DLGAP4: variants seen among roughly 807,000 people sequenced by gnomAD.
DLGAP4 encodes DLG associated protein 4.
A neutral mutation model predicts 86.9 loss-of-function variants in DLGAP4; 18 were observed. The ratio of observed to expected loss-of-function variants is 0.21; its 90% CI spans 0.14 to 0.31. DLGAP4 has a LOEUF of 0.31. Among genes scored for constraint, DLGAP4 ranks in the 10% least tolerant of loss-of-function variants. DLGAP4 has a pLI of 1.00. For missense variants in DLGAP4, 1,085 were observed against 1,362.6 expected, an observed-to-expected ratio of 0.80 and a Z score of 3.21; for synonymous variants, 548 against 574.3, an observed-to-expected ratio of 0.95 and a Z score of 0.65.
At chr20:36,391,590 G>A (rs2031785378) in intron 2 of DLGAP4, among the ~76,000 whole-genome samples, 1 of 152,166 alleles carries the variant, frequency 6.6e-6, no homozygotes. Flanking sequence ...TGGCTGGGTG[G>A]AAGAAGCTGG....
intron 1 of DLGAP4, among the ~76,000 whole-genome samples, chr20:36,359,104 T>G (rs1332304442): frequency 1.3e-5 from 2 of 151,944 alleles, no homozygotes; most frequent in East Asian, 3.9e-4. Context: ...TAAAAATCAG[T>G]TTTGTATTTT....
chr20:36,344,388 TA>T (rs1253193573), intron 1 of DLGAP4, among the ~76,000 whole-genome samples: 1 of 152,114 alleles, frequency 6.6e-6, no homozygotes, highest in African/African-American at 2.4e-5. Flanking sequence ...CCCGAAATAA[TA>T]ACAAGTCCAC....
intron 7 of DLGAP4, among the ~76,000 whole-genome samples, chr20:36,467,179 A>G (rs1393047965): frequency 6.6e-6 from 1 of 152,178 alleles, no homozygotes. Context: ...TGACAAGAAG[A>G]CAAGCCTACA....
intron 7 of DLGAP4, among the ~76,000 whole-genome samples, chr20:36,494,798 A>T (rs2035809575): frequency 6.6e-6 from 1 of 151,910 alleles, no homozygotes; most frequent in East Asian, 1.9e-4. Context: ...AGCAACTACT[A>T]ATCTGTTCTC....
At chr20:36,356,435 C>T (rs1250333132) in intron 1 of DLGAP4, among the ~76,000 whole-genome samples, 2 of 152,156 alleles carry the variant, frequency 1.3e-5, no homozygotes, top group African/African-American at 4.8e-5. Flanking sequence ...CCTCAGCCTC[C>T]CGAGTCACTG....
intron 7 of DLGAP4, among the ~76,000 whole-genome samples, chr20:36,468,863 T>C (rs2034533078): frequency 6.6e-6 from 1 of 152,212 alleles, no homozygotes; most frequent in Non-Finnish European, 1.5e-5. Flanking sequence ...CCCTTTCCAT[T>C]GTAGTAATTC....
rs2037733994 is a variant in DLGAP4 at position 36,526,016 on chromosome 20, G to A, written c.2760+10G>A. ...CCCCGAGAAGAGGAAGGTGAGCATGGAGCAGTGCGGAGGGGAAGTCCAGGG... is the reference window on the plus strand; with the variant it reads ...CCCCGAGAAGAGGAAGGTGAGCATGAAGCAGTGCGGAGGGGAAGTCCAGGG... On this transcript the variant is annotated intron_variant, in intron 12 of 12. Coordinates refer to ENST00000339266, the MANE Select transcript of DLGAP4 (RefSeq NM_001365621.2). 1.9e-6 allele frequency: 3 copies of A among 1,613,872 alleles called. No homozygotes were observed. The highest frequency in any genetic ancestry group is 2.5e-6 in the Non-Finnish European group (3 of 1,180,020).
intron 7 of DLGAP4, among the ~76,000 whole-genome samples, chr20:36,479,994 C>T (rs892545407): frequency 1.3e-5 from 2 of 152,138 alleles, no homozygotes; most frequent in East Asian, 1.9e-4. Context: ...GACAGTTCCT[C>T]ACCTGCCAAG....
chr20:36,356,675 T>TA (rs781791220), intron 1 of DLGAP4, among the ~76,000 whole-genome samples: 7,233 of 128,724 alleles, frequency 0.056, 548 homozygotes, highest in African/African-American at 0.19. Context: ...CCTGTTTTTG[T>TA]AAAAAAAAAA....
intron 1 of DLGAP4, among the ~76,000 whole-genome samples, chr20:36,363,904 A>C (rs2030601795): frequency 6.6e-6 from 1 of 152,170 alleles, no homozygotes; most frequent in Non-Finnish European, 1.5e-5. Flanking sequence ...TCACATCAGC[A>C]TGAGCAGTGG....
chr20:36,387,267 A>G (rs1388117410), intron 2 of DLGAP4, among the ~76,000 whole-genome samples: 1 of 152,224 alleles, frequency 6.6e-6, no homozygotes, highest in Non-Finnish European at 1.5e-5. Flanking sequence ...CTATTAGAGA[A>G]GCTGAGTGTC....
At chr20:36,376,397 G>A (rs551271351) in intron 2 of DLGAP4, among the ~76,000 whole-genome samples, 1 of 152,254 alleles carries the variant, frequency 6.6e-6, no homozygotes, top group East Asian at 1.9e-4. Flanking sequence ...CTTGAACCTG[G>A]GAGGTGGAGG....
At chr20:36,506,749 AC>A (rs2036395928) in intron 10 of DLGAP4, among the ~76,000 whole-genome samples, 1 of 152,186 alleles carries the variant, frequency 6.6e-6, no homozygotes, top group Non-Finnish European at 1.5e-5. Context: ...TATAACCATC[AC>A]CACCGTCCAT....
intron 3 of DLGAP4, among the ~76,000 whole-genome samples, chr20:36,435,120 C>T (rs2033236587): frequency 6.6e-6 from 1 of 151,826 alleles, no homozygotes; most frequent in Non-Finnish European, 1.5e-5. Context: ...GGTGTGTGTC[C>T]TTGGTGAGGT....
At chr20:36,373,023 A>T (rs1019705111) in intron 2 of DLGAP4, among the ~76,000 whole-genome samples, 1 of 152,170 alleles carries the variant, frequency 6.6e-6, no homozygotes. Flanking sequence ...TGAAAAATAT[A>T]TATAAACATA....
rs1458842912 is a variant in DLGAP4, at chr20:36,527,224, T to A, written c.*193T>A. The A allele has an allele frequency of 1.4e-5, 7 of 487,188 alleles. No individual in the cohort carries two copies. The highest frequency in any genetic ancestry group is 1.2e-4 in the African/African-American group (6 of 50,924). The allele number at this position is 487,188 out of a possible 1,614,324, so 30.2% of individuals were successfully genotyped here. The stretch of plus-strand genomic sequence containing the variant: ...CTCCCAGCTTTAGGTTATGAAGATT[T>A]TACTCACAAAAAAAATCAACAAAAA... On this transcript the variant is annotated 3_prime_UTR_variant, in exon 13 of 13. Coordinates refer to ENST00000339266, the MANE Select transcript of DLGAP4 (RefSeq NM_001365621.2).
intron 1 of DLGAP4, among the ~76,000 whole-genome samples, chr20:36,316,080 A>G (rs1210515437): frequency 6.6e-6 from 1 of 152,196 alleles, no homozygotes; most frequent in African/African-American, 2.4e-5. Context: ...CTGGGGGATC[A>G]ATCACAAAGC....
intron 2 of DLGAP4, among the ~76,000 whole-genome samples, chr20:36,386,635 A>G (rs1229121894): frequency 2.0e-5 from 3 of 152,190 alleles, no homozygotes; most frequent in African/African-American, 7.2e-5. Context: ...TCCAGACTAG[A>G]GTGCAGTGGT....
At chr20:36,511,802 G>A (rs1049424009) in intron 10 of DLGAP4, among the ~76,000 whole-genome samples, 2 of 150,518 alleles carry the variant, frequency 1.3e-5, no homozygotes, top group Non-Finnish European at 3.0e-5. Context: ...TTGAACCCGG[G>A]AGGTGGAGGT....
Sources: gnomAD v4.1 joint callset for allele counts (sites outside exome capture counted in the v4.1 genomes callset) on GRCh38, gnomAD v4.1.1 for gene constraint, MANE v1.5 for transcripts, NCBI Gene and HGNC (gene_info 2026-07-23, HGNC 2026-07-21) for gene names.